LINC00305: variants seen among roughly 807,000 people sequenced by gnomAD.
LINC00305 encodes long intergenic non-protein coding RNA 305.
intron 1 of LINC00305, among the ~76,000 whole-genome samples, chr18:64,117,102 G>A (rs186475458): frequency 6.6e-6 from 1 of 152,262 alleles, no homozygotes; most frequent in East Asian, 1.9e-4. Flanking sequence ...TGAAGACAAA[G>A]CTTAGTGTTT....
At chr18:64,104,922 C>A (rs2051283369) in intron 1 of LINC00305, among the ~76,000 whole-genome samples, 1 of 151,918 alleles carries the variant, frequency 6.6e-6, no homozygotes, top group African/African-American at 2.4e-5. Context: ...GTTCTATTCT[C>A]GGTGGTGGGG....
chr18:64,133,630 T>C (rs942994285), intron 1 of LINC00305, among the ~76,000 whole-genome samples: 3 of 152,186 alleles, frequency 2.0e-5, no homozygotes, highest in Admixed American at 1.3e-4. Flanking sequence ...GCATCTTGCC[T>C]TTACTTTGTT....
intron 1 of LINC00305, among the ~76,000 whole-genome samples, chr18:64,131,022 C>T (rs2051407465): frequency 6.6e-6 from 1 of 152,138 alleles, no homozygotes; most frequent in African/African-American, 2.4e-5. Flanking sequence ...TTGATGTTCA[C>T]AGACCAATGA....
intron 1 of LINC00305, among the ~76,000 whole-genome samples, chr18:64,118,824 C>CTG (rs58215196): frequency 0.015 from 2,104 of 144,422 alleles, 17 homozygotes; most frequent in East Asian, 0.026. Flanking sequence ...CCCTGGGGGT[C>CTG]TGTGTGTGTG....
intron 1 of LINC00305, among the ~76,000 whole-genome samples, chr18:64,102,064 G>C (rs1482244929): frequency 1.3e-5 from 2 of 152,064 alleles, no homozygotes; most frequent in Admixed American, 6.5e-5. Context: ...TTCACAAACC[G>C]ACAACATCAT....
intron 1 of LINC00305, among the ~76,000 whole-genome samples, chr18:64,123,963 A>ACTGG (rs2051373582): frequency 6.6e-6 from 1 of 152,034 alleles, no homozygotes; most frequent in African/African-American, 2.4e-5. Context: ...CTTGGCACAC[A>ACTGG]CTGGCTCCCT....
At chr18:64,091,470 C>T (rs1000572319) in intron 3 of LINC00305, among the ~76,000 whole-genome samples, 3 of 152,206 alleles carry the variant, frequency 2.0e-5, no homozygotes, top group African/African-American at 7.2e-5. Context: ...AGGAGGAGTA[C>T]AGCAGAACTT....
chr18:64,125,448 T>C (rs1452255069), intron 1 of LINC00305, among the ~76,000 whole-genome samples: 1 of 152,138 alleles, frequency 6.6e-6, no homozygotes, highest in Non-Finnish European at 1.5e-5. Flanking sequence ...CTTATCTTAA[T>C]TCGTATTCTC....
intron 3 of LINC00305, among the ~76,000 whole-genome samples, chr18:64,081,306 T>C (rs2051183995): frequency 6.6e-6 from 1 of 152,236 alleles, no homozygotes; most frequent in South Asian, 2.1e-4. Flanking sequence ...TTCCAGTGAA[T>C]CTTCTTGCTC....
chr18:64,104,933 G>T (rs1483374002), intron 1 of LINC00305, among the ~76,000 whole-genome samples: 2 of 151,216 alleles, frequency 1.3e-5, no homozygotes, highest in Admixed American at 6.6e-5. Context: ...GGTGGTGGGG[G>T]CTGGAGGGTG....
At chr18:64,085,498 T>G (rs1403123714) in intron 3 of LINC00305, among the ~76,000 whole-genome samples, 1 of 152,094 alleles carries the variant, frequency 6.6e-6, no homozygotes, top group Non-Finnish European at 1.5e-5. Context: ...AGTCTCGCTC[T>G]GTTGCCCAGG....
chr18:64,143,418 T>G (rs1382379584), intron 1 of LINC00305, among the ~76,000 whole-genome samples: 1 of 150,908 alleles, frequency 6.6e-6, no homozygotes, highest in Non-Finnish European at 1.5e-5. Flanking sequence ...TATATATATA[T>G]GTGTATACCA....
intron 3 of LINC00305, among the ~76,000 whole-genome samples, chr18:64,086,199 T>G (rs2051202826): frequency 6.6e-6 from 1 of 152,238 alleles, no homozygotes; most frequent in Admixed American, 6.5e-5. Flanking sequence ...AATAATCACT[T>G]AAAGTCATAA....
At chr18:64,129,431 T>C (rs1464640549) in intron 1 of LINC00305, among the ~76,000 whole-genome samples, 3 of 152,152 alleles carry the variant, frequency 2.0e-5, no homozygotes, top group Non-Finnish European at 4.4e-5. Flanking sequence ...GTTCTGTTCT[T>C]GGCTGTGCTA....
exon 1 of LINC00305, chr18:64,149,034 C>T (rs1430689334): frequency 1.3e-5 from 2 of 152,224 alleles, no homozygotes; most frequent in Non-Finnish European, 2.9e-5. Flanking sequence ...ATTTCCTGGA[C>T]CAGCTCACAG....
At chr18:64,135,202 G>A (rs1479508337) in intron 1 of LINC00305, among the ~76,000 whole-genome samples, 1 of 151,894 alleles carries the variant, frequency 6.6e-6, no homozygotes, top group Non-Finnish European at 1.5e-5. Flanking sequence ...TAAGGACACC[G>A]GTCATATTAG....
intron 1 of LINC00305, chr18:64,104,361 T>C (rs2051280639): frequency 6.6e-6 from 1 of 152,184 alleles, no homozygotes; most frequent in Admixed American, 6.5e-5. Flanking sequence ...ACATATTGTA[T>C]ATTACAGAGG....
At chr18:64,091,091 T>C (rs754139267) in intron 3 of LINC00305, among the ~76,000 whole-genome samples, 11 of 152,252 alleles carry the variant, frequency 7.2e-5, no homozygotes, top group Non-Finnish European at 1.5e-4. Context: ...GGGTGACTAA[T>C]ACAGGGAAAT....
At chr18:64,148,771 G>A (rs1044512882) in intron 1 of LINC00305, 35 of 152,152 alleles carry the variant, frequency 2.3e-4, no homozygotes, top group African/African-American at 7.5e-4. Flanking sequence ...TTTTTTACAA[G>A]TACCTTGTGA....
Sources: allele counts gnomAD v4.1 joint callset (sites outside exome capture counted in the v4.1 genomes callset), GRCh38; gene constraint gnomAD v4.1.1; transcripts MANE v1.5; gene names NCBI Gene and HGNC (gene_info 2026-07-23, HGNC 2026-07-21).